The following AKAP1 variants were observed in gnomAD, a reference collection of about 807,000 sequenced individuals.
AKAP1 encodes A-kinase anchoring protein 1, also known as A-kinase anchor protein 1, mitochondrial.
AKAP1 carries 32 observed loss-of-function variants against 79.8 expected under a neutral mutation model. That is an observed-to-expected ratio of 0.40 (90% CI 0.30 to 0.54). The LOEUF is 0.54. Ranked by LOEUF, AKAP1 falls within the 20% of genes least tolerant of loss-of-function variation. The probability of loss-of-function intolerance (pLI) is 0.47; values close to 1 mark genes in which losing one functional copy is unlikely to be tolerated. For synonymous variants in AKAP1, 416 were observed against 466.7 expected (o/e 0.89, Z 1.40); for missense variants, 961 against 1,138.9 (o/e 0.84, Z 2.25).
intron 4 of AKAP1, 144 bp downstream of exon 4, chr17:57,112,068 C>A: frequency 9.0e-7 from 1 of 1,106,568 alleles, no homozygotes. Flanking sequence ...ATCTTCCCTG[C>A]AGCCTTTTCC....
At chr17:57,113,424 G>A (rs1007922061) in intron 5 of AKAP1, among the ~76,000 whole-genome samples, 3 of 151,554 alleles carry the variant, frequency 2.0e-5, no homozygotes, top group African/African-American at 7.3e-5. Flanking sequence ...TTTTATGGAT[G>A]GTAGGCATTT....
Position 57,112,638 on chromosome 17 carries a change from AT to A in AKAP1, c.2103+21del. On this transcript the variant is annotated intron_variant, in intron 5 of 10. Coordinates refer to ENST00000337714, the MANE Select transcript of AKAP1 (RefSeq NM_003488.4). ...TCCTGGGTGAGCGTGCTACTGGGTGATCCGGACTTCTTGCCACTTTCCCCCA... is the reference window on the plus strand; with the variant it reads ...TCCTGGGTGAGCGTGCTACTGGGTGACCGGACTTCTTGCCACTTTCCCCCA... 1 of 1,584,834 alleles carries A rather than the reference AT, an allele frequency of 6.3e-7. No individual in the cohort carries two copies. Among genetic ancestry groups the A allele is most frequent in the South Asian group, 1.2e-5 (1 of 86,356 alleles).
intron 2 of AKAP1, among the ~76,000 whole-genome samples, chr17:57,109,763 C>T (rs1231321056): frequency 6.6e-6 from 1 of 152,254 alleles, no homozygotes; most frequent in Non-Finnish European, 1.5e-5. Flanking sequence ...TCTGCTCCAG[C>T]AGCTGTGGCT....
chr17:57,106,965 G>A lies in AKAP1; in HGVS notation c.1501G>A (p.Val501Met), dbSNP rs555301285. The change falls in exon 2 of 11, where the codon GTG becomes ATG. Residue 501 changes from valine to methionine, a missense_variant. Physicochemically the swap from Val to Met is conservative, Grantham distance 21. This residue lies in a region of AKAP1 where 629 missense variants were observed against 781.1 expected (regional missense o/e 0.81). Transcript: ENST00000337714. The part of the protein sequence containing the change: ...MSDSSQSVPL[V>M]ASPGHCSDSF... The stretch of plus-strand genomic sequence containing the variant: ...AGACAGCAGCCAAAGTGTCCCTTTG[G>A]TGGCTTCTCCAGGACACTGCTCAGA... 1.2e-6 allele frequency: 2 copies of A among 1,614,144 alleles called. No individual in the cohort carries two copies. The highest frequency in any genetic ancestry group is 2.2e-5 in the South Asian group (2 of 91,082).
rs2230772 is a variant in AKAP1 at position 57,105,842 on chromosome 17, T to C, written c.378T>C (p.Asp126=). 692,264 of 1,613,976 alleles carry C rather than the reference T, an allele frequency of 0.43. 152,299 individuals are homozygous for C. Among genetic ancestry groups the C allele is most frequent in the East Asian group, 0.75 (33,822 of 44,874 alleles). The change falls in exon 2 of 11, where the codon GAT becomes GAC. Residue 126 remains aspartate (D), a synonymous_variant. Transcript: ENST00000337714. Reference sequence around the variant, plus strand: ...GATTGCGACCAGGAACACGCAGAGATGACAGTACAAAGCTGGAGCTAGCCC... The same window carrying C: ...GATTGCGACCAGGAACACGCAGAGACGACAGTACAAAGCTGGAGCTAGCCC... The part of the protein sequence containing the change: ...DMRLRPGTRR[D]DSTKLELALT...
At chr17:57,101,180 G>T (rs1164069683) in intron 1 of AKAP1, among the ~76,000 whole-genome samples, 1 of 152,186 alleles carries the variant, frequency 6.6e-6, no homozygotes, top group Non-Finnish European at 1.5e-5. Flanking sequence ...TTTTTTGGGT[G>T]TGGGCGGGTT....
chr17:57,086,349 A>T lies in AKAP1; in HGVS notation c.-25+951A>T. 2.2e-6 allele frequency: 1 copy of T among 445,820 alleles called. No homozygotes were observed. The allele number at this position is 445,820 out of a possible 1,614,324, so 27.6% of individuals were successfully genotyped here. On this transcript the variant is annotated intron_variant, in intron 1 of 10. Transcript: ENST00000337714. This position sits in a 1 kb window ranked among gnomAD's most constrained non-coding sequence, Gnocchi z 5.1. ...GTTCAACTCTTTTGTGCCCTAGCTG[A>T]AGGTCTTCCTGTTTCCCTTCCAGGG...
intron 1 of AKAP1, among the ~76,000 whole-genome samples, chr17:57,100,666 T>A (rs536097835): frequency 6.6e-6 from 1 of 152,238 alleles, no homozygotes; most frequent in South Asian, 2.1e-4. Flanking sequence ...GATGAAAACC[T>A]GGGTTTAGAC....
intron 1 of AKAP1, among the ~76,000 whole-genome samples, chr17:57,091,265 T>C (rs1175149001): frequency 6.6e-6 from 1 of 151,726 alleles, no homozygotes; most frequent in African/African-American, 2.4e-5. Flanking sequence ...CCTTTGGCTT[T>C]GGTGTGGCTC....
intron 2 of AKAP1, among the ~76,000 whole-genome samples, chr17:57,109,672 C>CTCA (rs971575153): frequency 5.3e-5 from 8 of 152,274 alleles, no homozygotes; most frequent in Admixed American, 3.9e-4. Flanking sequence ...CCATGTGGAC[C>CTCA]TCAAGCGTGT....
At chr17:57,088,785 C>T (rs1913607771) in intron 1 of AKAP1, among the ~76,000 whole-genome samples, 1 of 152,192 alleles carries the variant, frequency 6.6e-6, no homozygotes, top group Admixed American at 6.5e-5. Flanking sequence ...CTAAATGGTG[C>T]AGCCTTGTCC....
At chr17:57,100,896 G>A (rs1426124185) in intron 1 of AKAP1, among the ~76,000 whole-genome samples, 3 of 152,066 alleles carry the variant, frequency 2.0e-5, no homozygotes, top group Non-Finnish European at 4.4e-5. Context: ...GGGTGTGGTG[G>A]CGCATGCCTG....
rs959829900 is a variant in AKAP1 at position 57,098,924 on chromosome 17, G to A, written c.-24-6517G>A. On this transcript the variant is annotated intron_variant, in intron 1 of 10. Transcript: ENST00000337714. ...CTACAGGTGCCCGCCACCAAGCCCC[G>A]CTATTTTTTTTTTTTTTGTATTTTT... Among the ~76,000 whole-genome samples the A allele has an allele frequency of 5.0e-5, 4 of 80,544 alleles. No homozygotes were observed. The East Asian group carries it at 2.4e-3, about 48-fold the overall frequency. The allele number at this position is 80,544 out of a possible 152,430, so 52.8% of individuals were successfully genotyped here. A position where few individuals can be genotyped will look rare whatever the true frequency, so the allele number is the denominator to read the frequency against.
At chr17:57,090,910 G>A (rs1046003729) in intron 1 of AKAP1, among the ~76,000 whole-genome samples, 3 of 152,196 alleles carry the variant, frequency 2.0e-5, no homozygotes, top group Non-Finnish European at 4.4e-5. Context: ...ACCTCACTTG[G>A]AGGTCACAGA....
At chr17:57,100,970 G>A (rs549664052) in intron 1 of AKAP1, among the ~76,000 whole-genome samples, 7 of 152,182 alleles carry the variant, frequency 4.6e-5, no homozygotes, top group Middle Eastern at 3.4e-3. Flanking sequence ...CGGAGGTTGC[G>A]GTGAGCCAAG....
intron 6 of AKAP1, 67 bp downstream of exon 6, chr17:57,114,703 A>G (rs1416485078): frequency 1.8e-5 from 27 of 1,461,586 alleles, no homozygotes; most frequent in Non-Finnish European, 2.3e-5. Flanking sequence ...CTGGATCCTG[A>G]TCAGGAGGAG....
intron 6 of AKAP1, 146 bp from the exon 7 acceptor site, chr17:57,115,965 T>C: frequency 1.0e-6 from 1 of 968,626 alleles, no homozygotes; most frequent in Admixed American, 3.0e-5. Context: ...GAGGCTTTGC[T>C]TGGGGCCGGT....
rs1597952438 is a variant in AKAP1 at position 57,086,343 on chromosome 17, T to C, written c.-25+945T>C. On this transcript the variant is annotated intron_variant, in intron 1 of 10. Transcript: ENST00000337714. This position sits in a 1 kb window ranked among gnomAD's most constrained non-coding sequence, Gnocchi z 5.1. ...TCTGGCGTTCAACTCTTTTGTGCCC[T>C]AGCTGAAGGTCTTCCTGTTTCCCTT... is the stretch of plus-strand genomic sequence containing the variant. 2.3e-6 allele frequency: 1 copy of C among 440,576 alleles called. No homozygotes were observed. The highest frequency in any genetic ancestry group is 4.5e-6 in the Non-Finnish European group (1 of 221,326). 27.3% of individuals were successfully genotyped at this position (440,576 alleles called of 1,614,324 possible).
intron 2 of AKAP1, 118 bp downstream of exon 2, chr17:57,107,296 C>T (rs568821231): frequency 2.7e-5 from 37 of 1,389,172 alleles, no homozygotes; most frequent in Non-Finnish European, 3.4e-5. Flanking sequence ...TGCTCTTCAG[C>T]TCTTTATCGC....
Sources: allele counts gnomAD v4.1 joint callset (sites outside exome capture counted in the v4.1 genomes callset), GRCh38; gene constraint gnomAD v4.1.1; regional missense constraint gnomAD v4.1.1; non-coding constraint Gnocchi (gnomAD v3.1); transcripts MANE v1.5; gene names NCBI Gene and HGNC (gene_info 2026-07-23, HGNC 2026-07-21).